The following PARD3B variants were observed in gnomAD, a reference collection of about 807,000 sequenced individuals.
PARD3B encodes par-3 family cell polarity regulator beta, also known as partitioning defective 3 homolog B.
In PARD3B, 103 loss-of-function variants were observed where a neutral mutation model predicts 130.2. That is an observed-to-expected ratio of 0.79 (90% confidence interval 0.67 to 0.93). The LOEUF (loss-of-function observed/expected upper bound fraction) is 0.93, where lower values mean the gene tolerates loss of function less well. Among genes scored for constraint, PARD3B ranks in the 40% least tolerant of loss-of-function variants. The pLI is 0.00. For missense variants in PARD3B, 1,609 were observed against 1,499.2 expected, an observed-to-expected ratio of 1.07 and a Z score of -1.21; for synonymous variants, 583 against 553.2, an observed-to-expected ratio of 1.05 and a Z score of -0.76.
intron 16 of PARD3B, among the ~76,000 whole-genome samples, chr2:205,252,853 CAA>C (rs770957813): frequency 1.2e-4 from 10 of 80,388 alleles, no homozygotes; most frequent in East Asian, 4.3e-4. Context: ...CCCCCCCCAC[CAA>C]AAAAAAAAAA....
rs534117338 is a variant in PARD3B, at chr2:204,780,598, T to C, written c.222+94316T>C. On this transcript the variant is annotated intron_variant, in intron 2 of 22. Coordinates refer to ENST00000406610, the MANE Select transcript of PARD3B (RefSeq NM_001302769.2). ...AGCTTTCTCACAAACAATCTCTTTT[T>C]CCCCCAAGAATGTTTAGAACGATTT... Among the ~76,000 whole-genome samples the C allele has an allele frequency of 6.3e-3, 964 of 152,288 alleles. 3 individuals are homozygous for C. Among genetic ancestry groups the C allele is most frequent in the Non-Finnish European group, 0.01 (704 of 68,024 alleles).
chr2:205,492,028 A>T (rs2049738103), intron 20 of PARD3B, among the ~76,000 whole-genome samples: 1 of 152,184 alleles, frequency 6.6e-6, no homozygotes, highest in African/African-American at 2.4e-5. Flanking sequence ...CCAGTTTCTC[A>T]GGTTGCCCAC....
chr2:205,037,786 G>A (rs1431966816), intron 3 of PARD3B, among the ~76,000 whole-genome samples: 2 of 151,736 alleles, frequency 1.3e-5, no homozygotes, highest in Non-Finnish European at 2.9e-5. Context: ...AGTATGGATG[G>A]AACCTTAGTG....
intron 2 of PARD3B, among the ~76,000 whole-genome samples, chr2:204,827,557 C>G (rs1055321503): frequency 1.3e-5 from 2 of 151,948 alleles, no homozygotes; most frequent in African/African-American, 4.8e-5. Context: ...TTCAAAGTAC[C>G]CATTAGTCTA....
intron 16 of PARD3B, 120 bp downstream of exon 16, chr2:205,245,942 G>A: frequency 1.3e-6 from 1 of 779,532 alleles, no homozygotes; most frequent in Non-Finnish European, 2.2e-6. Flanking sequence ...ATTAATACAT[G>A]AGATGTCTCT....
rs1480079689 is a variant in PARD3B at position 205,300,924 on chromosome 2, C to T, written c.2392+188C>T. 2.6e-5 allele frequency among the ~76,000 whole-genome samples: 4 copies of T among 152,322 alleles called. No individual in the cohort carries two copies. Among genetic ancestry groups the T allele is most frequent in the Middle Eastern group, 6.8e-3 (2 of 294 alleles). On this transcript the variant is annotated intron_variant, in intron 17 of 22. Coordinates refer to ENST00000406610, the MANE Select transcript of PARD3B (RefSeq NM_001302769.2). The surrounding 1 kb of genome is among the most constrained non-coding windows in gnomAD (Gnocchi z 4.1). ...TTAATGAACATGGAATTGGAGAACA[C>T]AATATGCAATTTATTTTACAGTGCA...
At chr2:204,750,105 G>T (rs967808844) in intron 2 of PARD3B, among the ~76,000 whole-genome samples, 1 of 152,140 alleles carries the variant, frequency 6.6e-6, no homozygotes, top group Non-Finnish European at 1.5e-5. Context: ...CTTTGAAAAA[G>T]TTTCTGATGT....
At chr2:204,564,394 G>A (rs774181628) in intron 1 of PARD3B, among the ~76,000 whole-genome samples, 48 of 152,130 alleles carry the variant, frequency 3.2e-4, no homozygotes, top group Non-Finnish European at 5.9e-4. Context: ...TGTATCATGT[G>A]GCAGAGATGA....
At chr2:204,682,806 C>T (rs1347179166) in intron 1 of PARD3B, among the ~76,000 whole-genome samples, 4 of 152,152 alleles carry the variant, frequency 2.6e-5, no homozygotes, top group Non-Finnish European at 1.5e-5. Flanking sequence ...ATGGTAGTCA[C>T]AGCATTATAG....
intron 16 of PARD3B, among the ~76,000 whole-genome samples, chr2:205,248,380 TTGGTGGTGGTGGTGGTGGTGG>T: frequency 6.9e-6 from 1 of 145,276 alleles, no homozygotes; most frequent in South Asian, 2.2e-4. Flanking sequence ...TCATTGGGAT[TTGGTGGTGGTGGTGGTGGTGG>T]TGGTGGTGGT....
At chr2:205,290,851 C>A (rs989401099) in intron 16 of PARD3B, among the ~76,000 whole-genome samples, 3 of 152,080 alleles carry the variant, frequency 2.0e-5, no homozygotes, top group African/African-American at 7.3e-5. Context: ...CTAAAAGAGG[C>A]CCCAGAAAGC....
intron 20 of PARD3B, among the ~76,000 whole-genome samples, chr2:205,477,605 A>AAAAT (rs112409918): frequency 0.13 from 19,780 of 152,010 alleles, 2,285 homozygotes; most frequent in African/African-American, 0.32. Flanking sequence ...TTAAAAAAAA[A>AAAAT]AATAAGCACA....
At chr2:205,261,076 C>T (rs751066060) in intron 16 of PARD3B, among the ~76,000 whole-genome samples, 100 of 152,168 alleles carry the variant, frequency 6.6e-4, no homozygotes, top group Non-Finnish European at 9.3e-4. Flanking sequence ...AAGGGCTTTC[C>T]TTTAGGATTT....
At chr2:204,924,431 C>T (rs7565339) in intron 2 of PARD3B, among the ~76,000 whole-genome samples, 14,380 of 151,958 alleles carry the variant, frequency 0.095, 982 homozygotes, top group Admixed American at 0.18. Context: ...ATTAATTTTA[C>T]AGATTTTTTC....
At chr2:204,883,885 G>A (rs143986568) in intron 2 of PARD3B, among the ~76,000 whole-genome samples, 1,551 of 151,748 alleles carry the variant, frequency 0.01, 11 homozygotes, top group Middle Eastern at 0.031. Flanking sequence ...TTACAGGTGC[G>A]TGCCACCATG....
At chr2:205,310,902 T>G (rs925107554) in intron 18 of PARD3B, among the ~76,000 whole-genome samples, 1 of 152,096 alleles carries the variant, frequency 6.6e-6, no homozygotes, top group African/African-American at 2.4e-5. Flanking sequence ...TTTTGTATTT[T>G]TAGTAGAGAC....
At chr2:205,006,439 A>G (rs1695271181) in intron 3 of PARD3B, among the ~76,000 whole-genome samples, 1 of 152,170 alleles carries the variant, frequency 6.6e-6, no homozygotes, top group Non-Finnish European at 1.5e-5. Context: ...ATGTAAAAGC[A>G]TCCCCTTTTC....
At chr2:205,232,381 A>G (rs2038882452) in intron 15 of PARD3B, among the ~76,000 whole-genome samples, 1 of 152,136 alleles carries the variant, frequency 6.6e-6, no homozygotes, top group Non-Finnish European at 1.5e-5. Flanking sequence ...GTTGTAGTAA[A>G]CTGTGATTGT....
chr2:205,556,129 G>A (rs1265068449), intron 22 of PARD3B, among the ~76,000 whole-genome samples: 4 of 152,046 alleles, frequency 2.6e-5, no homozygotes, highest in Admixed American at 1.3e-4. Flanking sequence ...GGTAGGCACC[G>A]GATCCCTCTT....
Sources: gnomAD v4.1 joint callset for allele counts (sites outside exome capture counted in the v4.1 genomes callset) on GRCh38, gnomAD v4.1.1 for gene constraint, Gnocchi (gnomAD v3.1) non-coding constraint, MANE v1.5 for transcripts, NCBI Gene and HGNC (gene_info 2026-07-23, HGNC 2026-07-21) for gene names.